The following MAML3 variants were observed in gnomAD, a reference collection of about 807,000 sequenced individuals.
MAML3 encodes the protein mastermind-like protein 3.
MAML3 carries 27 observed loss-of-function variants against 101.9 expected under a neutral mutation model. The ratio of observed to expected loss-of-function variants is 0.27; its 90% confidence interval spans 0.20 to 0.37. MAML3 has a LOEUF of 0.37. MAML3 is among the 10% of genes least tolerant of loss of function. MAML3 has a pLI of 1.00. For synonymous variants in MAML3, 501 were observed against 555.9 expected, an observed-to-expected ratio of 0.90 and a Z score of 1.39; for missense variants, 1,316 against 1,444.9, an observed-to-expected ratio of 0.91 and a Z score of 1.45.
At chr4:139,978,198 A>G (rs2110804204) in intron 1 of MAML3, among the ~76,000 whole-genome samples, 1 of 152,302 alleles carries the variant, frequency 6.6e-6, no homozygotes, top group East Asian at 1.9e-4. Context: ...GGTTACAAAA[A>G]AAAGTCTTTG....
chr4:139,825,738 GACAAT>G, intron 2 of MAML3, among the ~76,000 whole-genome samples: 2 of 149,534 alleles, frequency 1.3e-5, no homozygotes, highest in Non-Finnish European at 3.0e-5. Context: ...CCTAAATATA[GACAAT>G]GACTTCAAGG....
At chr4:139,808,176 CAT>C (rs1209992558) in intron 2 of MAML3, among the ~76,000 whole-genome samples, 39 of 152,346 alleles carry the variant, frequency 2.6e-4, no homozygotes, top group African/African-American at 8.9e-4. Flanking sequence ...ATTTTCATAA[CAT>C]AACAGTGAGC....
chr4:140,152,562 A>C (rs1729193681), intron 1 of MAML3, among the ~76,000 whole-genome samples: 1 of 151,598 alleles, frequency 6.6e-6, no homozygotes, highest in Non-Finnish European at 1.5e-5. Flanking sequence ...GAAGGGGGGA[A>C]ACTTTTCCAG....
chr4:139,925,976 G>T (rs192656499), intron 1 of MAML3, among the ~76,000 whole-genome samples: 34 of 152,140 alleles, frequency 2.2e-4, no homozygotes, highest in South Asian at 4.2e-4. Context: ...GGCAGCCCAC[G>T]GTCCTGCTCA....
At chr4:140,093,412 G>GTTT (rs1211054649) in intron 1 of MAML3, among the ~76,000 whole-genome samples, 6 of 126,850 alleles carry the variant, frequency 4.7e-5, no homozygotes, top group South Asian at 2.7e-4. Flanking sequence ...ACTCATGTTT[G>GTTT]TTTGTTTTTT....
intron 2 of MAML3, among the ~76,000 whole-genome samples, chr4:139,781,510 T>G (rs771682012): frequency 1.1e-5 from 1 of 89,002 alleles, no homozygotes; most frequent in Non-Finnish European, 2.5e-5. Context: ...AGCATTTTCA[T>G]ATATATATAT....
intron 1 of MAML3, among the ~76,000 whole-genome samples, chr4:139,989,850 A>AACAC (rs71593737): frequency 0.033 from 4,088 of 122,616 alleles, 77 homozygotes; most frequent in East Asian, 0.044. Flanking sequence ...CACACAAACA[A>AACAC]ACACACACAC....
Position 139,730,539 on chromosome 4 carries a change from T to A in MAML3, c.2208A>T (p.Ala736=). The change falls in exon 3 of 5, where the codon GCA becomes GCT. Residue 736 remains alanine, a synonymous_variant. Coordinates refer to ENST00000509479, the MANE Select transcript of MAML3 (RefSeq NM_018717.5). The stretch of plus-strand genomic sequence containing the variant: ...CAATGAGCATCTGCTTCATGATGGC[T>A]GCTTGGGGCTGGCTGCCCAGGAAGC... The part of the protein sequence containing the change: ...GPGFLGSQPQ[A]AIMKQMLIDQ... The A allele has an allele frequency of 6.4e-7, 1 of 1,574,588 alleles. No homozygotes were observed. The highest frequency in any genetic ancestry group is 2.3e-5 in the East Asian group (1 of 42,752).
At chr4:139,828,386 G>A (rs758531962) in intron 2 of MAML3, among the ~76,000 whole-genome samples, 35 of 152,220 alleles carry the variant, frequency 2.3e-4, no homozygotes, top group Non-Finnish European at 4.4e-5. Flanking sequence ...TAATAGGACA[G>A]GGTGTTCTTG....
At chr4:139,751,939 C>G (rs752386273) in intron 2 of MAML3, among the ~76,000 whole-genome samples, 30 of 152,148 alleles carry the variant, frequency 2.0e-4, no homozygotes, top group Non-Finnish European at 3.8e-4. Context: ...TCCAAGGAGC[C>G]TCCATATAAA....
intron 1 of MAML3, among the ~76,000 whole-genome samples, chr4:140,052,378 G>A (rs1727282493): frequency 6.6e-6 from 1 of 152,048 alleles, no homozygotes; most frequent in South Asian, 2.1e-4. Context: ...ATTTCCCACT[G>A]GCAGAACACA....
intron 1 of MAML3, among the ~76,000 whole-genome samples, chr4:140,113,903 T>A (rs1489580276): frequency 2.0e-5 from 3 of 152,054 alleles, no homozygotes; most frequent in Non-Finnish European, 1.5e-5. Flanking sequence ...ACATACTGAG[T>A]CTTACTTTCA....
intron 2 of MAML3, among the ~76,000 whole-genome samples, chr4:139,808,360 C>T (rs961892088): frequency 6.6e-6 from 1 of 152,352 alleles, no homozygotes; most frequent in Non-Finnish European, 1.5e-5. Context: ...TGTATATCAC[C>T]GGCCTGTGGC....
intron 3 of MAML3, among the ~76,000 whole-genome samples, chr4:139,726,465 A>C (rs1471503586): frequency 2.0e-5 from 3 of 152,170 alleles, no homozygotes; most frequent in Non-Finnish European, 2.9e-5. Flanking sequence ...CTCATGAGGA[A>C]TGCGTGCTGA....
chr4:139,768,673 C>T (rs777262764), intron 2 of MAML3, among the ~76,000 whole-genome samples: 23 of 152,318 alleles, frequency 1.5e-4, no homozygotes, highest in Non-Finnish European at 2.8e-4. Flanking sequence ...CTTAGTACTA[C>T]GCTGATGTTG....
chr4:139,879,199 A>G (rs1053963477), intron 2 of MAML3, among the ~76,000 whole-genome samples: 2 of 152,170 alleles, frequency 1.3e-5, no homozygotes, highest in Non-Finnish European at 2.9e-5. Flanking sequence ...CCCAGCCCGC[A>G]GTGTTATCTT....
At chr4:139,994,786 G>GGTGT (rs59077923) in intron 1 of MAML3, among the ~76,000 whole-genome samples, 4 of 150,222 alleles carry the variant, frequency 2.7e-5, no homozygotes, top group South Asian at 2.1e-4. Context: ...GCTGGTGGGG[G>GGTGT]GTGTGTGTGT....
intron 1 of MAML3, among the ~76,000 whole-genome samples, chr4:140,068,558 A>T (rs1021037046): frequency 6.6e-6 from 1 of 152,054 alleles, no homozygotes; most frequent in African/African-American, 2.4e-5. Context: ...CCAGGAGCTC[A>T]CTCTCCCAGT....
chr4:139,841,082 C>T (rs1010281133), intron 2 of MAML3, among the ~76,000 whole-genome samples: 1 of 152,150 alleles, frequency 6.6e-6, no homozygotes, highest in South Asian at 2.1e-4. Context: ...TATGTGGCTT[C>T]CAGCATTATA....
Sources: gnomAD v4.1 joint callset for allele counts (sites outside exome capture counted in the v4.1 genomes callset) on GRCh38, gnomAD v4.1.1 for gene constraint, MANE v1.5 for transcripts, NCBI Gene and HGNC (gene_info 2026-07-23, HGNC 2026-07-21) for gene names.